ENOX1: variants seen among roughly 807,000 people sequenced by gnomAD.
ENOX1 encodes ecto-NOX disulfide-thiol exchanger 1.
Under a neutral mutation model 82.5 loss-of-function variants are expected in ENOX1, and 42 were observed. That is an observed-to-expected ratio of 0.51 (90% CI 0.40 to 0.66). The LOEUF (loss-of-function observed/expected upper bound fraction) is 0.66, where lower values mean the gene tolerates loss of function less well. Ranked by LOEUF, ENOX1 falls within the 30% of genes least tolerant of loss-of-function variation. The pLI, the probability that ENOX1 is intolerant of heterozygous loss-of-function variation, is 0.00. For missense variants in ENOX1, 608 were observed against 811.6 expected (o/e 0.75, Z 3.05); for synonymous variants, 271 against 282.2 (o/e 0.96, Z 0.40).
intron 2 of ENOX1, among the ~76,000 whole-genome samples, chr13:43,570,008 C>T (rs2080107669): frequency 6.6e-6 from 1 of 152,164 alleles, no homozygotes; most frequent in African/African-American, 2.4e-5. Context: ...TGGTTGAGAG[C>T]AGGAACTTTG....
In ENOX1 at chr13:43,361,330, C is replaced by A. The variant is rs144233155; in HGVS notation, c.331G>T (p.Val111Phe). The A allele has an allele frequency of 6.2e-7, 1 of 1,614,044 alleles. No individual in the cohort carries two copies. Among genetic ancestry groups the A allele is most frequent in the South Asian group, 1.1e-5 (1 of 91,062 alleles). Residue 111 changes from valine (V) to phenylalanine (F), a missense_variant, in exon 6 of 17, where the codon GTC becomes TTC. Physicochemically the swap from Val to Phe is conservative, Grantham distance 50. Transcript: ENST00000690772. ...PPPPPTEVAV[V>F]KEIIHCKSCT... The stretch of plus-strand genomic sequence containing the variant: ...CTTTTGCAGTGGATTATTTCTTTGA[C>A]AACAGCCACTTCTGTTGGTGGTGGG...
chr13:43,470,261 CATATATATACACATATATATACAT>C lies in ENOX1; in HGVS notation c.-75+13724_-75+13747del, dbSNP rs1250584188. 1.5e-3 allele frequency among the ~76,000 whole-genome samples: 61 copies of C among 40,744 alleles called. 1 individual carries two copies. Among genetic ancestry groups the C allele is most frequent in the Middle Eastern group, 0.014 (1 of 70 alleles). 26.7% of individuals were successfully genotyped at this position (40,744 alleles called of 152,430 possible). On this transcript the variant is annotated intron_variant, in intron 3 of 16. Transcript: ENST00000690772. ...GTGTATATATATACATATATATATA[CATATATATACACATATATATACAT>C]ATATATATACACATATATATACATA...
At chr13:43,260,247 G>C (rs1237967934) in intron 14 of ENOX1, among the ~76,000 whole-genome samples, 1 of 152,212 alleles carries the variant, frequency 6.6e-6, no homozygotes, top group East Asian at 1.9e-4. Context: ...ACTTTCTTAA[G>C]GAGGTGACGT....
intron 5 of ENOX1, among the ~76,000 whole-genome samples, chr13:43,397,871 AAAC>A (rs1371853479): frequency 6.6e-6 from 1 of 152,242 alleles, no homozygotes; most frequent in African/African-American, 2.4e-5. Context: ...GGTAGCTTAT[AAAC>A]AACAGAAGCT....
chr13:43,484,758 A>C (rs909289865), intron 2 of ENOX1, among the ~76,000 whole-genome samples: 8 of 152,262 alleles, frequency 5.3e-5, no homozygotes, highest in African/African-American at 1.9e-4. Flanking sequence ...TAATTAATTA[A>C]GAACTTGTCT....
intron 1 of ENOX1, among the ~76,000 whole-genome samples, chr13:43,739,253 A>C (rs920621652): frequency 2.0e-5 from 3 of 152,170 alleles, no homozygotes; most frequent in Admixed American, 1.3e-4. Flanking sequence ...TTATCAATTA[A>C]TGATAAATAT....
intron 5 of ENOX1, among the ~76,000 whole-genome samples, chr13:43,395,444 G>A (rs1264686914): frequency 6.6e-6 from 1 of 152,144 alleles, no homozygotes; most frequent in East Asian, 1.9e-4. Context: ...TGGATAGCTT[G>A]AGCCTGGGAG....
chr13:43,485,410 A>C (rs112648313), intron 2 of ENOX1, among the ~76,000 whole-genome samples: 1 of 152,202 alleles, frequency 6.6e-6, no homozygotes, highest in East Asian at 1.9e-4. Context: ...TGCAGGACCA[A>C]AAGTCCCTTA....
intron 1 of ENOX1, among the ~76,000 whole-genome samples, chr13:43,750,593 T>A (rs547536062): frequency 6.6e-6 from 1 of 152,260 alleles, no homozygotes; most frequent in South Asian, 2.1e-4. Context: ...ACAATTCAGA[T>A]TAAGGCAAGA....
chr13:43,773,606 A>T (rs1381230474), intron 1 of ENOX1, among the ~76,000 whole-genome samples: 2 of 152,222 alleles, frequency 1.3e-5, no homozygotes, highest in African/African-American at 4.8e-5. Context: ...TCACCTGGAT[A>T]ACCCCAACCA....
intron 2 of ENOX1, among the ~76,000 whole-genome samples, chr13:43,649,111 T>C (rs2084032628): frequency 6.6e-6 from 1 of 152,242 alleles, no homozygotes; most frequent in Non-Finnish European, 1.5e-5. Context: ...ATCCAAATCA[T>C]ACACACACAA....
intron 2 of ENOX1, among the ~76,000 whole-genome samples, chr13:43,493,071 G>T (rs1197260892): frequency 6.6e-6 from 1 of 151,988 alleles, no homozygotes; most frequent in Non-Finnish European, 1.5e-5. Flanking sequence ...CTACCCTGCA[G>T]ATTTTAGACT....
chr13:43,384,108 A>G (rs1421449794), intron 5 of ENOX1, among the ~76,000 whole-genome samples: 1 of 152,254 alleles, frequency 6.6e-6, no homozygotes, highest in Non-Finnish European at 1.5e-5. Flanking sequence ...ATTCCTAAAA[A>G]TGAAGTAATA....
chr13:43,383,176 T>C (rs943273194), intron 5 of ENOX1, among the ~76,000 whole-genome samples: 2 of 152,190 alleles, frequency 1.3e-5, no homozygotes, highest in Non-Finnish European at 2.9e-5. Context: ...ATGCTAATTC[T>C]CACTCTCAAC....
chr13:43,373,137 T>C (rs1479151819), intron 5 of ENOX1, among the ~76,000 whole-genome samples: 3 of 152,046 alleles, frequency 2.0e-5, no homozygotes, highest in African/African-American at 4.8e-5. Flanking sequence ...AGAGTGTACA[T>C]GTGCTACAAG....
intron 1 of ENOX1, among the ~76,000 whole-genome samples, chr13:43,735,882 CA>C (rs2089604605): frequency 6.6e-6 from 1 of 152,178 alleles, no homozygotes; most frequent in Admixed American, 6.5e-5. Context: ...TCTATCCTTC[CA>C]TTTAGGGGTG....
At chr13:43,632,662 G>A (rs1426175950) in intron 2 of ENOX1, among the ~76,000 whole-genome samples, 1 of 152,002 alleles carries the variant, frequency 6.6e-6, no homozygotes, top group Non-Finnish European at 1.5e-5. Context: ...GGGTAGGTTG[G>A]TCTCGAACTC....
In ENOX1 at chr13:43,344,482, T is replaced by TA. The variant is rs1158713760; in HGVS notation, c.1036+55dup. Reference sequence around the variant, plus strand: ...CCCCCAAATGAAAAAGTAAAATTAATAAAAAAGAAAAGGCAAAATCACAAC... The same window carrying TA: ...CCCCCAAATGAAAAAGTAAAATTAATAAAAAAAGAAAAGGCAAAATCACAAC... On this transcript the variant is annotated intron_variant, in intron 9 of 16. Coordinates refer to ENST00000690772, the MANE Select transcript of ENOX1 (RefSeq NM_001347969.2). The TA allele has an allele frequency of 3.5e-6, 5 of 1,443,844 alleles. No individual in the cohort carries two copies. The South Asian group carries it at 3.7e-5, about 11-fold the overall frequency. 89.4% of individuals were successfully genotyped at this position (1,443,844 alleles called of 1,614,324 possible). A position where few individuals can be genotyped will look rare whatever the true frequency, so the allele number is the denominator to read the frequency against.
At chr13:43,723,382 C>T (rs970604861) in intron 1 of ENOX1, among the ~76,000 whole-genome samples, 7 of 152,250 alleles carry the variant, frequency 4.6e-5, no homozygotes, top group African/African-American at 1.7e-4. Context: ...ATTCATTTAA[C>T]ATTTCCATTG....
Sources: gnomAD v4.1 joint callset for allele counts (sites outside exome capture counted in the v4.1 genomes callset) on GRCh38, gnomAD v4.1.1 for gene constraint, MANE v1.5 for transcripts, NCBI Gene and HGNC (gene_info 2026-07-23, HGNC 2026-07-21) for gene names.